CPD: variants seen among roughly 807,000 people sequenced by gnomAD.
The protein encoded by CPD is metallocarboxypeptidase D.
Under a neutral mutation model 138.3 loss-of-function variants are expected in CPD, and 69 were observed. The observed-to-expected ratio is 0.50, with a 90% CI of 0.41 to 0.61. The LOEUF is 0.61. Ranked by LOEUF, CPD falls within the 20% of genes least tolerant of loss-of-function variation. The pLI, the probability that CPD is intolerant of heterozygous loss-of-function variation, is 0.00. For synonymous variants in CPD, 651 were observed against 642.1 expected, an observed-to-expected ratio of 1.01 and a Z score of -0.21; for missense variants, 1,432 against 1,733.3, an observed-to-expected ratio of 0.83 and a Z score of 3.09.
chr17:30,401,966 C>T (rs892733530), intron 2 of CPD, among the ~76,000 whole-genome samples: 2 of 147,178 alleles, frequency 1.4e-5, no homozygotes, highest in Non-Finnish European at 3.0e-5. Context: ...AATAGCATGG[C>T]GCCATTTTTT....
At chr17:30,412,620 C>G (rs1430715390) in intron 2 of CPD, among the ~76,000 whole-genome samples, 1 of 152,216 alleles carries the variant, frequency 6.6e-6, no homozygotes, top group Non-Finnish European at 1.5e-5. Flanking sequence ...TGCAGCCTCG[C>G]AGGTTGATCT....
chr17:30,403,771 G>C (rs1911735918), intron 2 of CPD, among the ~76,000 whole-genome samples: 1 of 152,076 alleles, frequency 6.6e-6, no homozygotes, highest in Non-Finnish European at 1.5e-5. Context: ...ATCCCTCCAT[G>C]CCACCTCTAG....
In CPD at chr17:30,455,463, A is replaced by G. The variant is rs1465720589; in HGVS notation, c.3330A>G (p.Val1110=). 1.2e-6 allele frequency: 2 copies of G among 1,611,260 alleles called. No individual in the cohort carries two copies. ...TCACATATCCTTATGACAAGCCAGT[A>G]CAGACAGGTATGTAGAATGTCATTT... ...MLVTYPYDKP[V]QTVENKETLK... is the part of the protein sequence containing the mutation. The change falls in exon 15 of 21, where the codon GTA becomes GTG. Residue 1110 remains valine (V), a synonymous_variant. Coordinates refer to ENST00000225719, the MANE Select transcript of CPD (RefSeq NM_001304.5).
chr17:30,389,223 G>T (rs1265082511), intron 2 of CPD, among the ~76,000 whole-genome samples: 1 of 152,144 alleles, frequency 6.6e-6, no homozygotes, highest in Non-Finnish European at 1.5e-5. Context: ...CGCACCTTCC[G>T]GCCTGCTGCT....
At chr17:30,399,299 G>C (rs928658658) in intron 2 of CPD, among the ~76,000 whole-genome samples, 42 of 152,008 alleles carry the variant, frequency 2.8e-4, no homozygotes, top group Non-Finnish European at 3.1e-4. Context: ...CCATTGTTGG[G>C]TGGGGTATAG....
At chr17:30,403,939 G>T (rs1911739593) in intron 2 of CPD, among the ~76,000 whole-genome samples, 1 of 151,780 alleles carries the variant, frequency 6.6e-6, no homozygotes, top group South Asian at 2.1e-4. Flanking sequence ...TAATGTAATG[G>T]ACCATTTATA....
rs1190247625 is a variant in CPD at position 30,464,740 on chromosome 17, A to G, written c.4069A>G (p.Lys1357Glu). The G allele has an allele frequency of 2.5e-5, 41 of 1,614,040 alleles. No homozygotes were observed. Among genetic ancestry groups the G allele is most frequent in the Non-Finnish European group, 3.5e-5 (41 of 1,179,928 alleles). Reference sequence around the variant, plus strand: ...TCGCATGATGTCTACCGGCTCCAAGAAGTCCCTCCTAAGCCATGAGTTCCA... The same window carrying G: ...TCGCATGATGTCTACCGGCTCCAAGGAGTCCCTCCTAAGCCATGAGTTCCA... ...EIRMMSTGSK[K>E]SLLSHEFQDE... is the part of the protein sequence containing the mutation. The change falls in exon 21 of 21, where the codon AAG becomes GAG. Residue 1357 changes from lysine to glutamate, a missense_variant. Coordinates refer to ENST00000225719, the MANE Select transcript of CPD (RefSeq NM_001304.5).
intron 1 of CPD, among the ~76,000 whole-genome samples, chr17:30,382,981 CCTT>C (rs1911088809): frequency 6.6e-6 from 1 of 152,166 alleles, no homozygotes; most frequent in Admixed American, 6.5e-5. Flanking sequence ...CCTGCCCCAG[CCTT>C]CTTATAACTT....
chr17:30,402,827 C>A (rs1911710954), intron 2 of CPD, among the ~76,000 whole-genome samples: 1 of 152,150 alleles, frequency 6.6e-6, no homozygotes, highest in Admixed American at 6.5e-5. Flanking sequence ...TACTTGTTGG[C>A]TGGGTGTGGT....
chr17:30,405,289 G>A (rs1394529896), intron 2 of CPD, among the ~76,000 whole-genome samples: 1 of 152,164 alleles, frequency 6.6e-6, no homozygotes, highest in Non-Finnish European at 1.5e-5. Context: ...CTCATGCTCA[G>A]TAAATGGGCA....
intron 5 of CPD, 97 bp from the exon 6 acceptor site, chr17:30,423,409 T>A (rs1436188241): frequency 7.9e-6 from 7 of 886,686 alleles, no homozygotes; most frequent in Admixed American, 3.6e-5. Context: ...GTTTAAAAAA[T>A]TTTTTAGTAT....
intron 17 of CPD, 52 bp from the exon 18 acceptor site, chr17:30,461,127 CT>C: frequency 7.1e-7 from 1 of 1,415,584 alleles, no homozygotes; most frequent in South Asian, 1.4e-5. Context: ...AAGCCTTATT[CT>C]TTCTTTTACT....
rs1913285731 is a variant in CPD at position 30,456,115 on chromosome 17, G to A, written c.3338-141G>A. ...ATCTTGGGCTAAATAAAACCTTTTA[G>A]GGTTAATTATAGTAACAGTATACTT... On this transcript the variant is annotated intron_variant, in intron 15 of 20. Transcript: ENST00000225719. The A allele has an allele frequency of 4.8e-6, 3 of 625,406 alleles. No homozygotes were observed. The South Asian group carries it at 6.1e-5, about 13-fold the overall frequency. 38.7% of individuals were successfully genotyped at this position (625,406 alleles called of 1,614,324 possible).
chr17:30,456,582 G>C, intron 17 of CPD, 56 bp downstream of exon 17: 1 of 1,557,948 alleles, frequency 6.4e-7, no homozygotes, highest in Non-Finnish European at 8.9e-7. Flanking sequence ...AATGCCGTAT[G>C]TGTAAACCCA....
At chr17:30,380,606 T>A in intron 1 of CPD, 1 of 1,511,000 alleles carries the variant, frequency 6.6e-7, no homozygotes, top group Non-Finnish European at 8.8e-7. Flanking sequence ...CTCAAGAAAT[T>A]AGTATAAAAC....
In CPD at chr17:30,468,070, T is replaced by A. The variant is rs1470264340; in HGVS notation, c.*3256T>A. 1 of 152,288 alleles carries A rather than the reference T, an allele frequency of 6.6e-6. No individual in the cohort carries two copies. The highest frequency in any genetic ancestry group is 1.5e-5 in the Non-Finnish European group (1 of 68,008). The allele number at this position is 152,288 out of a possible 1,614,324, so 9.4% of individuals were successfully genotyped here. A position where few individuals can be genotyped will look rare whatever the true frequency, so the allele number is the denominator to read the frequency against. ...TGGGGATATGATTTGGGTCTTTGAT[T>A]AATGTCAGCTGAACTTGGATTTCTA... On this transcript the variant is annotated 3_prime_UTR_variant, in exon 21 of 21. Coordinates refer to ENST00000225719, the MANE Select transcript of CPD (RefSeq NM_001304.5).
intron 2 of CPD, among the ~76,000 whole-genome samples, chr17:30,419,763 T>A (rs1335734240): frequency 6.6e-6 from 1 of 152,020 alleles, no homozygotes; most frequent in African/African-American, 2.4e-5. Flanking sequence ...CCAAAGGGAG[T>A]GAGTGGCAGA....
intron 2 of CPD, among the ~76,000 whole-genome samples, chr17:30,386,150 C>G (rs919364878): frequency 1.8e-4 from 28 of 152,286 alleles, no homozygotes; most frequent in Middle Eastern, 3.4e-3. Flanking sequence ...CTGCCTCAAT[C>G]TCCTGAGTAG....
intron 1 of CPD, chr17:30,380,365 A>C (rs1317875021): frequency 8.8e-6 from 6 of 682,932 alleles, no homozygotes; most frequent in Non-Finnish European, 1.2e-5. Flanking sequence ...ACAGAAGCTG[A>C]TTTTTCTCCA....
Sources: allele counts gnomAD v4.1 joint callset (sites outside exome capture counted in the v4.1 genomes callset), GRCh38; gene constraint gnomAD v4.1.1; transcripts MANE v1.5; gene names NCBI Gene and HGNC (gene_info 2026-07-23, HGNC 2026-07-21).